CAB39L: variants seen among roughly 807,000 people sequenced by gnomAD.
CAB39L encodes calcium binding protein 39 like, also known as calcium-binding protein 39-like.
A neutral mutation model predicts 39.1 loss-of-function variants in CAB39L; 23 were observed. The ratio of observed to expected loss-of-function variants is 0.59; its 90% CI spans 0.42 to 0.83. The LOEUF (loss-of-function observed/expected upper bound fraction) is 0.83. CAB39L is among the 40% of genes least tolerant of loss of function. CAB39L has a pLI of 0.00. For missense variants in CAB39L, 366 were observed against 391.9 expected (o/e 0.93, Z 0.56); for synonymous variants, 126 against 137.2 (o/e 0.92, Z 0.57).
chr13:49,415,241 G>A (rs965819430), intron 3 of CAB39L, among the ~76,000 whole-genome samples: 1 of 151,464 alleles, frequency 6.6e-6, no homozygotes, highest in African/African-American at 2.4e-5. Context: ...ATGTGGCCAG[G>A]CGCGGTGGCT....
intron 7 of CAB39L, among the ~76,000 whole-genome samples, chr13:49,349,970 T>C (rs1433472257): frequency 1.3e-5 from 2 of 152,180 alleles, no homozygotes; most frequent in Admixed American, 6.5e-5. Flanking sequence ...TTTTCTGATA[T>C]ATTCTCTGAA....
intron 10 of CAB39L, among the ~76,000 whole-genome samples, chr13:49,318,982 G>GTGGC (rs1954270939): frequency 6.6e-6 from 1 of 152,114 alleles, no homozygotes; most frequent in South Asian, 2.1e-4. Flanking sequence ...GCCGGGTGCA[G>GTGGC]TGGCTTACAC....
rs1220698718 is a variant in CAB39L, at chr13:49,405,719, G to GAGAGGAAGGAAGGA, written c.-31-22779_-31-22778insTCCTTCCTTCCTCT. Reference sequence around the variant, plus strand: ...AAAGAAAGAAAGAAAGAAAGAGAGAGAGGAAGGAAGGAAGGAAGGAAGGAA... The same window carrying GAGAGGAAGGAAGGA: ...AAAGAAAGAAAGAAAGAAAGAGAGAGAGAGGAAGGAAGGAAGGAAGGAAGGAAGGAAGGAAGGAA... On this transcript the variant is annotated intron_variant, in intron 3 of 10. Coordinates refer to ENST00000409308, the MANE Select transcript of CAB39L (RefSeq NM_001079670.3). Among the ~76,000 whole-genome samples the GAGAGGAAGGAAGGA allele has an allele frequency of 4.7e-3, 449 of 95,056 alleles. 10 individuals carry two copies. Among genetic ancestry groups the GAGAGGAAGGAAGGA allele is most frequent in the African/African-American group, 0.016 (416 of 26,328 alleles). 62.4% of individuals were successfully genotyped at this position (95,056 alleles called of 152,430 possible). A position where few individuals can be genotyped will look rare whatever the true frequency, so the allele number is the denominator to read the frequency against.
chr13:49,375,807 G>GA lies in CAB39L; in HGVS notation c.276+1159dup, dbSNP rs34734102. 1.5e-3 allele frequency among the ~76,000 whole-genome samples: 216 copies of GA among 145,718 alleles called. 2 individuals are homozygous for GA. Among genetic ancestry groups the GA allele is most frequent in the African/African-American group, 4.8e-3 (190 of 39,482 alleles). On this transcript the variant is annotated intron_variant, in intron 5 of 10. Transcript: ENST00000409308. ...ACTTAAAGTATAATTTAAAAAAATTGAAAAAAAAAAGAAAAAGATTATGGG... is the reference window on the plus strand; with the variant it reads ...ACTTAAAGTATAATTTAAAAAAATTGAAAAAAAAAAAGAAAAAGATTATGGG...
rs749696675 is a variant in CAB39L, at chr13:49,310,933, G to T, written c.895C>A (p.Pro299Thr). 5 of 1,614,028 alleles carry T rather than the reference G, an allele frequency of 3.1e-6. No individual in the cohort carries two copies. Among genetic ancestry groups the T allele is most frequent in the African/African-American group, 1.3e-5 (1 of 74,902 alleles). ...PIVEILLKNQ[P>T]KLIEFLSSFQ... ...CTGCTCAGAAACTCAATGAGTTTGG[G>T]CTGATTTTTTAACAGGATCTCCACA... The change falls in exon 11 of 11, where the codon CCC becomes ACC. Residue 299 changes from proline (P) to threonine (T), a missense_variant. Coordinates refer to ENST00000409308, the MANE Select transcript of CAB39L (RefSeq NM_001079670.3).
chr13:49,392,413 C>A (rs1956509733), intron 3 of CAB39L, among the ~76,000 whole-genome samples: 1 of 151,844 alleles, frequency 6.6e-6, no homozygotes. Flanking sequence ...CCGAGGTGGG[C>A]AGATCACAAG....
At chr13:49,336,946 G>C (rs754395048) in intron 9 of CAB39L, among the ~76,000 whole-genome samples, 6 of 152,084 alleles carry the variant, frequency 3.9e-5, no homozygotes, top group Non-Finnish European at 7.4e-5. Flanking sequence ...ATCACTACTG[G>C]GCTTTTTTTC....
intron 8 of CAB39L, among the ~76,000 whole-genome samples, 186 bp downstream of exon 8, chr13:49,343,993 C>T (rs1955074263): frequency 6.6e-6 from 1 of 152,158 alleles, no homozygotes; most frequent in Non-Finnish European, 1.5e-5. Flanking sequence ...GGTGAAAGCC[C>T]TGACCTCCTG....
intron 10 of CAB39L, among the ~76,000 whole-genome samples, chr13:49,329,573 ATATATATATATATATATATAT>A (rs1954623743): frequency 1.2e-5 from 1 of 84,322 alleles, no homozygotes; most frequent in African/African-American, 4.7e-5. Context: ...ATATATATAT[ATATATATATATATATATATAT>A]ATAATGATGT....
chr13:49,413,268 C>T (rs1051053855), intron 3 of CAB39L, among the ~76,000 whole-genome samples: 19 of 151,870 alleles, frequency 1.3e-4, no homozygotes, highest in African/African-American at 4.1e-4. Context: ...ATAGAGATTA[C>T]CTAAGTGAGG....
chr13:49,406,193 A>G (rs915693573), intron 3 of CAB39L, among the ~76,000 whole-genome samples: 2 of 141,636 alleles, frequency 1.4e-5, no homozygotes, highest in African/African-American at 2.7e-5. Flanking sequence ...TTTGAGATGG[A>G]GTCTTGCTCT....
intron 6 of CAB39L, among the ~76,000 whole-genome samples, chr13:49,352,917 C>G (rs1955394476): frequency 6.6e-6 from 1 of 152,060 alleles, no homozygotes; most frequent in Admixed American, 6.5e-5. Context: ...ATGTACTACT[C>G]TTTATAAGAT....
intron 5 of CAB39L, among the ~76,000 whole-genome samples, chr13:49,375,428 A>G (rs939555755): frequency 6.6e-6 from 1 of 152,176 alleles, no homozygotes; most frequent in Non-Finnish European, 1.5e-5. Flanking sequence ...GTAAGACTAT[A>G]CTTTAATTTC....
intron 3 of CAB39L, among the ~76,000 whole-genome samples, chr13:49,428,557 T>C (rs1444407829): frequency 6.6e-6 from 1 of 152,144 alleles, no homozygotes; most frequent in Non-Finnish European, 1.5e-5. Flanking sequence ...GCTGCTGCAG[T>C]GGCTTGGCAA....
chr13:49,427,336 G>A (rs1185804259), intron 3 of CAB39L, among the ~76,000 whole-genome samples: 1 of 152,112 alleles, frequency 6.6e-6, no homozygotes, highest in East Asian at 1.9e-4. Flanking sequence ...TGTCTTCAAT[G>A]TCCATTCACC....
In CAB39L at chr13:49,339,892, G is replaced by A. The variant is rs767844248; in HGVS notation, c.625-150C>T. On this transcript the variant is annotated intron_variant, in intron 8 of 10. Transcript: ENST00000409308. The stretch of plus-strand genomic sequence containing the variant: ...TGTGAAGACACTGGGGGACAGGGAG[G>A]TCAAGAATTACAAGAGACATCCTTC... 5.1e-5 allele frequency: 51 copies of A among 1,009,422 alleles called. No homozygotes were observed. The Middle Eastern group carries it at 9.4e-4, about 19-fold the overall frequency. The allele number at this position is 1,009,422 out of a possible 1,614,324, so 62.5% of individuals were successfully genotyped here.
intron 10 of CAB39L, among the ~76,000 whole-genome samples, chr13:49,326,171 C>T (rs1163747961): frequency 6.6e-6 from 1 of 152,166 alleles, no homozygotes; most frequent in East Asian, 1.9e-4. Flanking sequence ...CGGCCCTTTG[C>T]TATCAAGGTT....
chr13:49,317,589 A>G (rs1259424995), intron 10 of CAB39L, among the ~76,000 whole-genome samples: 1 of 152,192 alleles, frequency 6.6e-6, no homozygotes, highest in Non-Finnish European at 1.5e-5. Flanking sequence ...TTCACATGCA[A>G]AAGACGAAGC....
At chr13:49,423,927 G>T (rs1175699162) in intron 3 of CAB39L, among the ~76,000 whole-genome samples, 2 of 152,122 alleles carry the variant, frequency 1.3e-5, no homozygotes, top group African/African-American at 2.4e-5. Flanking sequence ...AACTTCAATG[G>T]CATTCTTATT....
Sources: allele counts gnomAD v4.1 joint callset (sites outside exome capture counted in the v4.1 genomes callset), GRCh38; gene constraint gnomAD v4.1.1; transcripts MANE v1.5; gene names NCBI Gene and HGNC (gene_info 2026-07-23, HGNC 2026-07-21).